TENM1: variants seen among roughly 807,000 people sequenced by gnomAD.
The protein encoded by TENM1 is teneurin-1.
TENM1 carries 35 observed loss-of-function variants against 174.8 expected under a neutral mutation model. The observed-to-expected ratio is 0.20, with a 90% confidence interval of 0.15 to 0.27. The LOEUF is 0.27. Among genes scored for constraint, TENM1 ranks in the 10% least tolerant of loss-of-function variants. The probability of loss-of-function intolerance (pLI) is 1.00; values close to 1 mark genes in which losing one functional copy is unlikely to be tolerated. For missense variants in TENM1, 1,633 were observed against 2,130.1 expected (o/e 0.77, Z 4.59); for synonymous variants, 781 against 798.7 (o/e 0.98, Z 0.37).
At chrX:124,833,661 T>C (rs993744096) in intron 3 of TENM1, among the ~76,000 whole-genome samples, 5 of 111,438 alleles carry the variant, frequency 4.5e-5, no homozygotes, top group African/African-American at 1.6e-4. Context: ...ACACAAATAA[T>C]ATTGTATACT....
At chrX:124,487,098 A>C in intron 21 of TENM1, 111 bp downstream of exon 24, 1 of 749,748 alleles carries the variant, frequency 1.3e-6, no homozygotes, top group Non-Finnish European at 2.0e-6. Context: ...TTATGTTCAC[A>C]CTATTCTTTA....
At chrX:124,741,017 A>G (rs774344589) in intron 3 of TENM1, among the ~76,000 whole-genome samples, 15 of 111,717 alleles carry the variant, frequency 1.3e-4, no homozygotes, top group Non-Finnish European at 2.4e-4. Flanking sequence ...TCAAATGGAA[A>G]GGTCTAATTC....
At chrX:124,921,361 T>C (rs2058019320) in intron 1 of TENM1, among the ~76,000 whole-genome samples, 1 of 110,823 alleles carries the variant, frequency 9.0e-6, no homozygotes, top group African/African-American at 3.3e-5. Flanking sequence ...TAAAAATATA[T>C]ACAAACAGAC....
At chrX:124,603,494 C>G (rs777239842) in intron 11 of TENM1, among the ~76,000 whole-genome samples, 6 of 111,441 alleles carry the variant, frequency 5.4e-5, no homozygotes, top group South Asian at 7.4e-4. Flanking sequence ...TAACCTCACT[C>G]TACACATGAG....
intron 11 of TENM1, among the ~76,000 whole-genome samples, chrX:124,575,912 T>C (rs1439859988): frequency 8.9e-5 from 10 of 111,975 alleles, no homozygotes; most frequent in Non-Finnish European, 1.7e-4. Context: ...AAGAGCATGT[T>C]TCAATCCTTT....
intron 11 of TENM1, among the ~76,000 whole-genome samples, chrX:124,602,193 C>A (rs1047945487): frequency 9.0e-6 from 1 of 110,535 alleles, no homozygotes. Context: ...GACAGCTATC[C>A]CATAGTGCCT....
chrX:124,971,783 T>A, the TENM1 span, among the ~76,000 whole-genome samples: 1 of 112,055 alleles, frequency 8.9e-6, no homozygotes, highest in Non-Finnish European at 1.9e-5. Flanking sequence ...TAATGTCTAT[T>A]TAAAATAAGT....
At chrX:124,693,665 CT>C (rs1169388235) in intron 5 of TENM1, among the ~76,000 whole-genome samples, 1 of 111,329 alleles carries the variant, frequency 9.0e-6, no homozygotes, top group Non-Finnish European at 1.9e-5. Context: ...TCATTTGAGC[CT>C]TTTTCATATC....
chrX:124,924,581 C>G (rs190350380), intron 1 of TENM1, among the ~76,000 whole-genome samples: 28 of 111,604 alleles, frequency 2.5e-4, no homozygotes, highest in African/African-American at 8.5e-4. Context: ...ACCTGCTCTG[C>G]GTTACCTGTT....
chrX:125,115,332 A>C, the TENM1 span, among the ~76,000 whole-genome samples: 4 of 111,703 alleles, frequency 3.6e-5, no homozygotes, highest in African/African-American at 1.3e-4. Flanking sequence ...CTGGCACAAG[A>C]CAAGGATACC....
At chrX:125,122,728 A>G in the TENM1 span, among the ~76,000 whole-genome samples, 1 of 111,392 alleles carries the variant, frequency 9.0e-6, no homozygotes, top group Non-Finnish European at 1.9e-5. Flanking sequence ...CAGGGAGGTT[A>G]TAGAACTACA....
the TENM1 span, among the ~76,000 whole-genome samples, chrX:125,084,550 C>A: frequency 1.8e-5 from 2 of 110,772 alleles, no homozygotes; most frequent in South Asian, 7.6e-4. Flanking sequence ...ATAATAGCTA[C>A]CATTTTCAGT....
chrX:124,546,246 C>T (rs2048426557), intron 15 of TENM1, among the ~76,000 whole-genome samples: 2 of 112,121 alleles, frequency 1.8e-5, no homozygotes, highest in Non-Finnish European at 3.8e-5. Flanking sequence ...GAAATGTTGA[C>T]TTTAGTGACT....
chrX:124,708,371 G>A (rs1347839893), intron 4 of TENM1, among the ~76,000 whole-genome samples: 1 of 111,119 alleles, frequency 9.0e-6, no homozygotes, highest in Non-Finnish European at 1.9e-5. Context: ...AGATTCACAG[G>A]TCTTTCTGGA....
intron 5 of TENM1, among the ~76,000 whole-genome samples, chrX:124,679,274 C>T (rs1249865663): frequency 8.9e-6 from 1 of 112,115 alleles, no homozygotes; most frequent in African/African-American, 3.2e-5. Flanking sequence ...CCTACTAGTT[C>T]CCTTCATGTT....
rs2049035275 is a variant in TENM1, at chrX:124,570,611, A to G, written c.2078-5051T>C. On this transcript the variant is annotated intron_variant, in intron 11 of 31. Coordinates refer to ENST00000422452, the Ensembl canonical transcript of TENM1. Reference sequence around the variant, plus strand: ...TGGAATAAAAGAGAAAAATCAAATTATCATCTCAATAGATACATAATAGGT... The same window carrying G: ...TGGAATAAAAGAGAAAAATCAAATTGTCATCTCAATAGATACATAATAGGT... Among the ~76,000 whole-genome samples, 2 of 111,840 alleles carry G rather than the reference A, an allele frequency of 1.8e-5. 1 individual carries two copies. Among genetic ancestry groups the G allele is most frequent in the East Asian group, 5.6e-4 (2 of 3,600 alleles).
chrX:125,058,622 C>A, the TENM1 span, among the ~76,000 whole-genome samples: 1 of 110,640 alleles, frequency 9.0e-6, no homozygotes, highest in Non-Finnish European at 1.9e-5. Context: ...TACTAGACAG[C>A]TGTTCAAAGA....
chrX:125,114,505 A>G, the TENM1 span, among the ~76,000 whole-genome samples: 1 of 111,752 alleles, frequency 8.9e-6, no homozygotes, highest in Middle Eastern at 4.2e-3. Flanking sequence ...CCAGACTAAT[A>G]AGAAAAGAGA....
rs1162715800 is a variant in TENM1, at chrX:124,471,493, T to A, written c.3949+10239A>T. On this transcript the variant is annotated intron_variant, in intron 22 of 31. Coordinates refer to ENST00000422452, the Ensembl canonical transcript of TENM1. Reference sequence around the variant, plus strand: ...AATATATAATATATAATATATAGTATTATATAATATATAATATATAGTAAT... The same window carrying A: ...AATATATAATATATAATATATAGTAATATATAATATATAATATATAGTAAT... Among the ~76,000 whole-genome samples the A allele has an allele frequency of 2.1e-4, 13 of 63,326 alleles. 1 individual carries two copies. The highest frequency in any genetic ancestry group is 2.8e-4 in the Non-Finnish European group (11 of 38,631). The allele number at this position is 63,326 out of a possible 115,157, so 55.0% of individuals were successfully genotyped here.
Sources: allele counts gnomAD v4.1 joint callset (sites outside exome capture counted in the v4.1 genomes callset), GRCh38; gene constraint gnomAD v4.1.1; transcripts MANE v1.5; gene names NCBI Gene and HGNC (gene_info 2026-07-23, HGNC 2026-07-21).